Variants in CCDC150 observed in about 807,000 individuals in gnomAD.
CCDC150 encodes the protein coiled-coil domain containing 150.
In CCDC150, 151 loss-of-function variants were observed where a neutral mutation model predicts 156.5. That is an observed-to-expected ratio of 0.97 (90% CI 0.85 to 1.10). CCDC150 has a LOEUF of 1.10. Ranked by LOEUF, CCDC150 falls within the 50% of genes least tolerant of loss-of-function variation. The probability of loss-of-function intolerance (pLI) is 0.00; values close to 1 mark genes in which losing one functional copy is unlikely to be tolerated. For synonymous variants in CCDC150, 452 were observed against 429.4 expected, an observed-to-expected ratio of 1.05 and a Z score of -0.65; for missense variants, 1,312 against 1,268.1, an observed-to-expected ratio of 1.03 and a Z score of -0.53.
At chr2:196,670,567 A>G (rs531494412) in intron 8 of CCDC150, among the ~76,000 whole-genome samples, 7 of 145,194 alleles carry the variant, frequency 4.8e-5, no homozygotes, top group East Asian at 2.0e-4. Flanking sequence ...TTTTTTTTCT[A>G]TAACCACAGA....
intron 9 of CCDC150, 116 bp downstream of exon 9, chr2:196,672,553 T>C: frequency 4.0e-6 from 2 of 505,776 alleles, no homozygotes; most frequent in Non-Finnish European, 6.9e-6. Context: ...ATCACCCAAC[T>C]TTTCATTTCC....
intron 1 of CCDC150, among the ~76,000 whole-genome samples, chr2:196,643,226 C>T (rs1692341994): frequency 6.6e-6 from 1 of 152,208 alleles, no homozygotes; most frequent in South Asian, 2.1e-4. Flanking sequence ...TCCGAGTCAC[C>T]TCAATCTCCC....
At chr2:196,702,992 A>G (rs1345902764) in intron 15 of CCDC150, among the ~76,000 whole-genome samples, 1 of 152,194 alleles carries the variant, frequency 6.6e-6, no homozygotes, top group Non-Finnish European at 1.5e-5. Flanking sequence ...AAGAGCGAGA[A>G]CTTATTCACC....
chr2:196,711,409 T>A (rs1337048818), intron 15 of CCDC150, among the ~76,000 whole-genome samples: 1 of 152,140 alleles, frequency 6.6e-6, no homozygotes, highest in Non-Finnish European at 1.5e-5. Flanking sequence ...GATGGAACTG[T>A]TGATTTAAAT....
intron 14 of CCDC150, among the ~76,000 whole-genome samples, chr2:196,699,638 A>G (rs905657540): frequency 2.6e-5 from 4 of 151,912 alleles, no homozygotes; most frequent in East Asian, 1.9e-4. Flanking sequence ...TCCTGCCTCA[A>G]CCTCTCAAGT....
chr2:196,720,610 C>T lies in CCDC150; in HGVS notation c.2201C>T (p.Ala734Val). 4 of 1,613,836 alleles carry T rather than the reference C, an allele frequency of 2.5e-6. No individual in the cohort carries two copies. Among genetic ancestry groups the T allele is most frequent in the Non-Finnish European group, 3.4e-6 (4 of 1,179,818 alleles). The change falls in exon 20 of 28, where the codon GCT (alanine) becomes GTT (valine). Residue 734 changes from alanine (A) to valine (V), a missense_variant. Ala to Val is a moderately conservative substitution (Grantham distance 64, BLOSUM62 0). Coordinates refer to ENST00000389175, the MANE Select transcript of CCDC150 (RefSeq NM_001080539.2). The stretch of plus-strand genomic sequence containing the variant: ...CAACAGAGGGTGCAGAAGCTGGAAG[C>T]TGAAGTGGACCAGTGGCAGGCCAGG... ...LNQQRVQKLE[A>V]EVDQWQARML...
chr2:196,688,762 G>C (rs1274705249), intron 13 of CCDC150, among the ~76,000 whole-genome samples: 1 of 151,742 alleles, frequency 6.6e-6, no homozygotes, highest in East Asian at 1.9e-4. Context: ...GATCCCATTT[G>C]TCAATTTTGG....
At chr2:196,657,390 A>G (rs1693271910) in intron 4 of CCDC150, 1 of 404,336 alleles carries the variant, frequency 2.5e-6, no homozygotes, top group Non-Finnish European at 4.6e-6. Context: ...GTCCAGAGGT[A>G]TGAGATAGAG....
intron 15 of CCDC150, among the ~76,000 whole-genome samples, chr2:196,702,283 A>G (rs1696265218): frequency 6.6e-6 from 1 of 151,864 alleles, no homozygotes; most frequent in Admixed American, 6.6e-5. Context: ...TCCCATGACT[A>G]GAAAGGCATT....
intron 13 of CCDC150, among the ~76,000 whole-genome samples, chr2:196,684,031 G>A (rs1694991051): frequency 6.6e-6 from 1 of 151,466 alleles, no homozygotes; most frequent in African/African-American, 2.4e-5. Flanking sequence ...GTTTGCTTGG[G>A]GTTTAATTTG....
At chr2:196,667,030 A>T in intron 7 of CCDC150, 182 bp downstream of exon 7, 1 of 630,050 alleles carries the variant, frequency 1.6e-6, no homozygotes, top group Non-Finnish European at 2.8e-6. Context: ...ATTGTTGTTA[A>T]TAATATATTT....
At chr2:196,721,729 C>T in intron 21 of CCDC150, 38 bp downstream of exon 21, 9 of 1,495,050 alleles carry the variant, frequency 6.0e-6, no homozygotes, top group Non-Finnish European at 7.2e-6. Flanking sequence ...TAGGGAAGCA[C>T]CTCTGGAGGA....
At position 196,732,060 on chromosome 2, in the gene CCDC150, C is replaced by T. The variant is rs761861289; in HGVS notation, c.3097C>T (p.Arg1033Cys). ...QITANLEEAHRWFKHRFDGLQ... is the reference protein window; with the variant it reads ...QITANLEEAHCWFKHRFDGLQ... ...AACAGCTAATCTGGAAGAAGCTCAT[C>T]GCTGGTTTAAGCACAGGTTTGATGG... is the stretch of plus-strand genomic sequence containing the variant. Residue 1033 changes from arginine to cysteine, a missense_variant, in exon 27 of 28, where the codon CGC (arginine) becomes TGC (cysteine). Coordinates refer to ENST00000389175, the MANE Select transcript of CCDC150 (RefSeq NM_001080539.2). The T allele has an allele frequency of 7.1e-5, 114 of 1,613,558 alleles. No homozygotes were observed. The highest frequency in any genetic ancestry group is 9.1e-5 in the Non-Finnish European group (107 of 1,179,684).
chr2:196,712,751 G>GA lies in CCDC150; in HGVS notation c.1866+15dup, dbSNP rs768742408. 2.1e-5 allele frequency: 34 copies of GA among 1,601,584 alleles called. No homozygotes were observed. Among genetic ancestry groups the GA allele is most frequent in the Non-Finnish European group, 1.4e-5 (16 of 1,171,872 alleles). On this transcript the variant is annotated intron_variant, in intron 17 of 27. Transcript: ENST00000389175. ...CTCACCTGAAAGAAGTATTGGTAAT[G>GA]AAAGTGCTTACTTGTCAGCATGGTG...
intron 1 of CCDC150, among the ~76,000 whole-genome samples, chr2:196,645,822 G>A (rs1001172116): frequency 6.6e-6 from 1 of 152,170 alleles, no homozygotes; most frequent in Non-Finnish European, 1.5e-5. Flanking sequence ...TATGGCAACT[G>A]TACAGAGGTC....
chr2:196,699,364 A>G (rs896678660), intron 14 of CCDC150, among the ~76,000 whole-genome samples: 2 of 152,204 alleles, frequency 1.3e-5, no homozygotes, highest in East Asian at 3.8e-4. Context: ...CCAAAGCCTA[A>G]TATTGGGTAT....
At chr2:196,650,224 C>A (rs1218087195) in intron 2 of CCDC150, among the ~76,000 whole-genome samples, 1 of 152,128 alleles carries the variant, frequency 6.6e-6, no homozygotes, top group Non-Finnish European at 1.5e-5. Context: ...TTGTTAAATG[C>A]TTTCTCTACA....
chr2:196,701,375 T>C (rs775588818), intron 15 of CCDC150, among the ~76,000 whole-genome samples, 195 bp downstream of exon 15: 11 of 152,200 alleles, frequency 7.2e-5, no homozygotes, highest in Non-Finnish European at 1.6e-4. Flanking sequence ...AAACCTAAAA[T>C]TGTGAAGCCA....
At chr2:196,694,387 G>T (rs1695681603) in intron 13 of CCDC150, among the ~76,000 whole-genome samples, 1 of 152,046 alleles carries the variant, frequency 6.6e-6, no homozygotes, top group South Asian at 2.1e-4. Context: ...TCATAAGCTT[G>T]AATTGATTTT....
Sources: gnomAD v4.1 joint callset for allele counts (sites outside exome capture counted in the v4.1 genomes callset) on GRCh38, gnomAD v4.1.1 for gene constraint, MANE v1.5 for transcripts, NCBI Gene and HGNC (gene_info 2026-07-23, HGNC 2026-07-21) for gene names.